The following PRDM16 variants were observed in gnomAD, a reference collection of about 807,000 sequenced individuals.
The protein encoded by PRDM16 is PR/SET domain 16, also known as histone-lysine N-methyltransferase PRDM16.
Under a neutral mutation model 110.6 loss-of-function variants are expected in PRDM16, and 23 were observed. The observed-to-expected ratio is 0.21, with a 90% CI of 0.15 to 0.29. The LOEUF (loss-of-function observed/expected upper bound fraction) is 0.29, where lower values mean the gene tolerates loss of function less well. PRDM16 is among the 10% of genes least tolerant of loss of function. The pLI, the probability that PRDM16 is intolerant of heterozygous loss-of-function variation, is 1.00. For synonymous variants in PRDM16, 799 were observed against 781.8 expected (o/e 1.02, Z -0.37); for missense variants, 1,615 against 1,794.3 (o/e 0.90, Z 1.81).
intron 2 of PRDM16, among the ~76,000 whole-genome samples, chr1:3,235,772 G>A (rs1052124309): frequency 6.6e-6 from 1 of 152,148 alleles, no homozygotes; most frequent in Admixed American, 6.5e-5. Context: ...TGTAGACCCC[G>A]GAAGCCTGCC....
intron 2 of PRDM16, among the ~76,000 whole-genome samples, chr1:3,199,919 C>G (rs969037279): frequency 5.3e-5 from 8 of 152,216 alleles, no homozygotes; most frequent in Admixed American, 4.6e-4. Context: ...TGCAGTGATC[C>G]CAGGACAGGG....
In PRDM16 at chr1:3,271,080, G is replaced by A. The variant is rs556053976; in HGVS notation, c.438+26943G>A. Among the ~76,000 whole-genome samples, 7 of 152,298 alleles carry A rather than the reference G, an allele frequency of 4.6e-5. No individual in the cohort carries two copies. The South Asian group carries it at 1.2e-3, about 27-fold the overall frequency. On this transcript the variant is annotated intron_variant, in intron 3 of 16. Transcript: ENST00000270722. Reference sequence around the variant, plus strand: ...CGGCTGTGGCCGGCCTGCCTGCCCCGCCACGTGCATGCAGGGGATATGCGG... The same window carrying A: ...CGGCTGTGGCCGGCCTGCCTGCCCCACCACGTGCATGCAGGGGATATGCGG...
chr1:3,146,549 T>C (rs1357285914), intron 1 of PRDM16, among the ~76,000 whole-genome samples: 1 of 140,118 alleles, frequency 7.1e-6, no homozygotes, highest in African/African-American at 2.7e-5. Flanking sequence ...GTGTGTTCGG[T>C]GTGGGGTGTG....
intron 1 of PRDM16, among the ~76,000 whole-genome samples, chr1:3,095,374 GATGTCATGGGCTC>G (rs144532701): frequency 0.072 from 10,882 of 150,722 alleles, 1,441 homozygotes; most frequent in African/African-American, 0.26. Flanking sequence ...TGGGGTGCCA[GATGTCATGGGCTC>G]AGACCTACCC....
chr1:3,138,922 G>A lies in PRDM16; in HGVS notation c.38-47203G>A, dbSNP rs146905243. Among the ~76,000 whole-genome samples, 194 of 152,246 alleles carry A rather than the reference G, an allele frequency of 1.3e-3. 1 individual carries two copies. The highest frequency in any genetic ancestry group is 4.2e-3 in the African/African-American group (176 of 41,534). On this transcript the variant is annotated intron_variant, in intron 1 of 16. Transcript: ENST00000270722. ...CTGGATACTTCAGTAAGAGGGAGGC[G>A]GGATGAGGCCGTTCCTTGCGCTGGC...
At chr1:3,142,309 T>C (rs1373721076) in intron 1 of PRDM16, among the ~76,000 whole-genome samples, 3 of 152,252 alleles carry the variant, frequency 2.0e-5, no homozygotes, top group African/African-American at 7.2e-5. Context: ...AACATCTGGC[T>C]GTGCTAACAA....
At chr1:3,351,436 C>G (rs926792032) in intron 3 of PRDM16, among the ~76,000 whole-genome samples, 1 of 151,382 alleles carries the variant, frequency 6.6e-6, no homozygotes, top group Non-Finnish European at 1.5e-5. Flanking sequence ...GCAGAGGGAG[C>G]AGCACAGGGA....
chr1:3,413,161 C>T (rs1643723685), intron 9 of PRDM16, among the ~76,000 whole-genome samples: 1 of 151,756 alleles, frequency 6.6e-6, no homozygotes, highest in Non-Finnish European at 1.5e-5. Flanking sequence ...TTCCCCACCC[C>T]TCTCTCCAGC....
chr1:3,115,269 C>T (rs998868510), intron 1 of PRDM16, among the ~76,000 whole-genome samples: 8 of 152,248 alleles, frequency 5.3e-5, no homozygotes, highest in Admixed American at 1.3e-4. Flanking sequence ...CCCAGCCAGC[C>T]CCAGCTGTCC....
At chr1:3,284,177 A>G (rs1261336994) in intron 3 of PRDM16, among the ~76,000 whole-genome samples, 1 of 152,202 alleles carries the variant, frequency 6.6e-6, no homozygotes, top group Non-Finnish European at 1.5e-5. Context: ...CCTGGGGGAC[A>G]TCTCGCCAAA....
chr1:3,291,571 C>A (rs1006509933), intron 3 of PRDM16, among the ~76,000 whole-genome samples: 3 of 152,056 alleles, frequency 2.0e-5, no homozygotes, highest in Admixed American at 6.5e-5. Flanking sequence ...ACTCCTCCCG[C>A]CCCTGCCCAT....
intron 1 of PRDM16, among the ~76,000 whole-genome samples, chr1:3,150,216 A>G (rs904266340): frequency 2.6e-5 from 4 of 152,200 alleles, no homozygotes; most frequent in African/African-American, 4.8e-5. Flanking sequence ...CCTTGTCTGT[A>G]AAAGGAAAGC....
intron 2 of PRDM16, among the ~76,000 whole-genome samples, chr1:3,202,597 G>A (rs1377589964): frequency 3.9e-5 from 6 of 152,166 alleles, no homozygotes; most frequent in Non-Finnish European, 8.8e-5. Flanking sequence ...AGGATGGTGT[G>A]TGCCGTCTAA....
rs922921434 is a variant in PRDM16, at chr1:3,226,887, C to T, written c.388-17200C>T. On this transcript the variant is annotated intron_variant, in intron 2 of 16. Coordinates refer to ENST00000270722, the MANE Select transcript of PRDM16 (RefSeq NM_022114.4). ...TCCGCGCTAATCAACATCCAATGCC[C>T]GTTCTCTTTAAGACCAAGACAGAAC... 3.3e-5 allele frequency among the ~76,000 whole-genome samples: 5 copies of T among 151,858 alleles called. No individual in the cohort carries two copies. In the East Asian group the frequency reaches 5.8e-4, roughly 18 times the overall value.
chr1:3,341,552 AAC>A (rs146043597), intron 3 of PRDM16, among the ~76,000 whole-genome samples: 1 of 152,006 alleles, frequency 6.6e-6, no homozygotes, highest in African/African-American at 2.4e-5. Context: ...AGGATGTCAG[AAC>A]ACACACACAC....
chr1:3,340,422 A>T (rs1006610449), intron 3 of PRDM16, among the ~76,000 whole-genome samples: 3 of 152,194 alleles, frequency 2.0e-5, no homozygotes, highest in Non-Finnish European at 4.4e-5. Context: ...AAAACGCCAT[A>T]AATACCAAAC....
intron 3 of PRDM16, among the ~76,000 whole-genome samples, chr1:3,268,346 G>T (rs1640346504): frequency 6.6e-6 from 1 of 152,240 alleles, no homozygotes; most frequent in Admixed American, 6.5e-5. Context: ...ACATGCTCTG[G>T]GATTGTGACC....
intron 1 of PRDM16, among the ~76,000 whole-genome samples, chr1:3,118,129 G>A (rs115145901): frequency 1.5e-3 from 225 of 151,188 alleles, no homozygotes; most frequent in African/African-American, 4.9e-3. Flanking sequence ...GCGTGTGTGC[G>A]TGTGTACATG....
intron 1 of PRDM16, among the ~76,000 whole-genome samples, chr1:3,141,253 A>G (rs1643544738): frequency 6.6e-6 from 1 of 152,214 alleles, no homozygotes; most frequent in Non-Finnish European, 1.5e-5. Context: ...TGCCGTGATG[A>G]ATGCTTCTAT....
Sources: allele counts gnomAD v4.1 joint callset (sites outside exome capture counted in the v4.1 genomes callset), GRCh38; gene constraint gnomAD v4.1.1; transcripts MANE v1.5; gene names NCBI Gene and HGNC (gene_info 2026-07-23, HGNC 2026-07-21).